Variants in MYH11 observed in about 807,000 individuals in gnomAD.
MYH11 encodes the protein myosin heavy chain 11.
In MYH11, 80 loss-of-function variants were observed where a neutral mutation model predicts 246.6. That is an observed-to-expected ratio of 0.32 (90% CI 0.27 to 0.39). MYH11 has a LOEUF of 0.39. MYH11 is among the 10% of genes least tolerant of loss of function. The probability of loss-of-function intolerance (pLI) is 1.00; values close to 1 mark genes in which losing one functional copy is unlikely to be tolerated. For synonymous variants in MYH11, 1,071 were observed against 1,015.5 expected (o/e 1.05, Z -1.04); for missense variants, 2,158 against 2,546.8 (o/e 0.85, Z 3.29).
chr16:15,814,553 CAAAAAAAAAAAAAA>C (rs58806731), intron 3 of MYH11, among the ~76,000 whole-genome samples: 1,306 of 22,860 alleles, frequency 0.057, 41 homozygotes, highest in African/African-American at 0.11. Context: ...AACTCCATCT[CAAAAAAAAAAAAAA>C]AAAAAAAAAA....
chr16:15,789,013 G>A (rs1567763722), intron 4 of MYH11, among the ~76,000 whole-genome samples: 1 of 151,982 alleles, frequency 6.6e-6, no homozygotes. Flanking sequence ...TGTCATTGGG[G>A]GGATATAGGG....
chr16:15,736,132 T>C lies in MYH11; in HGVS notation c.3294-554A>G, dbSNP rs373811486. On this transcript the variant is annotated intron_variant, in intron 25 of 40. Coordinates refer to ENST00000300036, the MANE Select transcript of MYH11 (RefSeq NM_002474.3). ...GCTGCAGGAGAGGCAAGCACTTTGA[T>C]TTTACTGTACTTGTGAAAGGGCAGC... Among the ~76,000 whole-genome samples, 9 of 152,290 alleles carry C rather than the reference T, an allele frequency of 5.9e-5. No individual in the cohort carries two copies. In the East Asian group the frequency reaches 1.2e-3, roughly 20 times the overall value.
chr16:15,854,991 C>T (rs773253831), intron 1 of MYH11, among the ~76,000 whole-genome samples: 4 of 152,106 alleles, frequency 2.6e-5, no homozygotes, highest in Non-Finnish European at 5.9e-5. Flanking sequence ...AACCGGGCTG[C>T]GGTGCAAGGC....
rs766626205 is a variant in MYH11 at position 15,750,962 on chromosome 16, G to A, written c.1865-631C>T. Among the ~76,000 whole-genome samples, 2 of 152,044 alleles carry A rather than the reference G, an allele frequency of 1.3e-5. No individual in the cohort carries two copies. The highest frequency in any genetic ancestry group is 1.3e-4 in the Admixed American group (2 of 15,256). On this transcript the variant is annotated intron_variant, in intron 15 of 40. Coordinates refer to ENST00000300036, the MANE Select transcript of MYH11 (RefSeq NM_002474.3). This position sits in a 1 kb window ranked among gnomAD's most constrained non-coding sequence, Gnocchi z 4.3. ...AAGAGGGTGCTCTCTTAGACAAGGA[G>A]GTGGTGGGCTCTGCTAAGTTGATAT...
At chr16:15,717,474 T>G in intron 37 of MYH11, 126 bp from the exon 38 acceptor site, 1 of 931,358 alleles carries the variant, frequency 1.1e-6, no homozygotes, top group Non-Finnish European at 1.6e-6. Context: ...CCCTGTCCTC[T>G]CCTTCATCCT....
chr16:15,802,105 C>A (rs1386965512), intron 3 of MYH11, among the ~76,000 whole-genome samples: 1 of 152,188 alleles, frequency 6.6e-6, no homozygotes, highest in Non-Finnish European at 1.5e-5. Flanking sequence ...CCTCATCCCA[C>A]CAAAAATGGT....
At chr16:15,851,830 G>A (rs1041354126) in intron 1 of MYH11, among the ~76,000 whole-genome samples, 5 of 152,132 alleles carry the variant, frequency 3.3e-5, no homozygotes. Flanking sequence ...TGGTTGGCAA[G>A]AGTTACGGTA....
chr16:15,855,101 T>C (rs974750099), intron 1 of MYH11, among the ~76,000 whole-genome samples: 1 of 152,066 alleles, frequency 6.6e-6, no homozygotes, highest in African/African-American at 2.4e-5. Context: ...AAAGTAATGA[T>C]AACAAATCCA....
chr16:15,811,128 C>T (rs1047485118), intron 3 of MYH11, among the ~76,000 whole-genome samples: 2 of 152,132 alleles, frequency 1.3e-5, no homozygotes, highest in Non-Finnish European at 2.9e-5. Context: ...CAGGTCCCTT[C>T]CACCATGTGA....
chr16:15,774,200 C>A (rs11866827), intron 8 of MYH11, among the ~76,000 whole-genome samples: 7,451 of 152,252 alleles, frequency 0.049, 298 homozygotes, highest in East Asian at 0.13. Flanking sequence ...GGATTGAGGT[C>A]TTTGCCAAGA....
intron 1 of MYH11, among the ~76,000 whole-genome samples, chr16:15,854,040 C>T (rs1487783689): frequency 2.0e-5 from 3 of 152,212 alleles, no homozygotes; most frequent in Middle Eastern, 3.4e-3. Context: ...CAAAAACAAA[C>T]AAACAAAACC....
At chr16:15,712,198 G>A (rs2039841274) in intron 40 of MYH11, among the ~76,000 whole-genome samples, 2 of 152,202 alleles carry the variant, frequency 1.3e-5, no homozygotes, top group South Asian at 2.1e-4. Context: ...TGTTTGGTGT[G>A]AGCTGCCTAT....
intron 25 of MYH11, among the ~76,000 whole-genome samples, chr16:15,735,841 C>G (rs2041102797): frequency 6.6e-6 from 1 of 152,228 alleles, no homozygotes; most frequent in African/African-American, 2.4e-5. Context: ...CATGTGTGTG[C>G]AAGAATGCAA....
intron 9 of MYH11, among the ~76,000 whole-genome samples, chr16:15,767,107 T>A (rs535683330): frequency 7.9e-5 from 12 of 152,042 alleles, no homozygotes; most frequent in South Asian, 4.2e-4. Flanking sequence ...TATAAATGTA[T>A]AGAGGATGGG....
intron 37 of MYH11, 154 bp downstream of exon 37, chr16:15,718,161 G>A: frequency 8.4e-7 from 1 of 1,183,666 alleles, no homozygotes; most frequent in Non-Finnish European, 1.2e-6. Context: ...CTGGTGTAAG[G>A]GCCCTGGATC....
intron 26 of MYH11, 139 bp from the exon 27 acceptor site, chr16:15,732,847 G>T: frequency 9.3e-7 from 1 of 1,071,024 alleles, no homozygotes; most frequent in Non-Finnish European, 1.4e-6. Context: ...GTGACCTTGG[G>T]TCATTCACCT....
At chr16:15,778,182 G>C (rs1164518751) in intron 7 of MYH11, among the ~76,000 whole-genome samples, 3 of 152,166 alleles carry the variant, frequency 2.0e-5, no homozygotes, top group African/African-American at 4.8e-5. Context: ...TCACCGCTCA[G>C]GTTCATGAAA....
chr16:15,847,265 T>TTTTTTTTTTTC (rs574635258), intron 1 of MYH11, among the ~76,000 whole-genome samples: 1 of 116,134 alleles, frequency 8.6e-6, no homozygotes, highest in African/African-American at 2.8e-5. Context: ...TTTTTTTTTT[T>TTTTTTTTTTTC]TCTGAGACAG....
rs534505981 is a variant in MYH11, at chr16:15,737,918, G to A, written c.3122-298C>T. 2.7e-3 allele frequency among the ~76,000 whole-genome samples: 411 copies of A among 152,044 alleles called. 4 individuals carry two copies. The highest frequency in any genetic ancestry group is 9.1e-3 in the African/African-American group (376 of 41,492). ...AGCAATTCTCCTGCCTCAGCCTCCC[G>A]AGTAGCTGGGATTACAGGCGCCCGC... On this transcript the variant is annotated intron_variant, in intron 24 of 40. Coordinates refer to ENST00000300036, the MANE Select transcript of MYH11 (RefSeq NM_002474.3).
Sources: allele counts gnomAD v4.1 joint callset (sites outside exome capture counted in the v4.1 genomes callset), GRCh38; gene constraint gnomAD v4.1.1; non-coding constraint Gnocchi (gnomAD v3.1); transcripts MANE v1.5; gene names NCBI Gene and HGNC (gene_info 2026-07-23, HGNC 2026-07-21).